The following ABTB3 variants were observed in gnomAD, a reference collection of about 807,000 sequenced individuals.
ABTB3 encodes ankyrin repeat and BTB domain containing 3, also known as ankyrin repeat- and BTB/POZ domain-containing protein 3.
At chr12:107,524,556 T>A in the ABTB3 span, among the ~76,000 whole-genome samples, 1 of 152,206 alleles carries the variant, frequency 6.6e-6, no homozygotes, top group Non-Finnish European at 1.5e-5. Flanking sequence ...CAGCAGCTGA[T>A]GTTTAATGAG....
the ABTB3 span, among the ~76,000 whole-genome samples, chr12:107,593,354 A>G: frequency 1.3e-5 from 2 of 152,200 alleles, no homozygotes; most frequent in East Asian, 3.9e-4. Flanking sequence ...ATCATGGAGC[A>G]TCTTGTGGGA....
chr12:107,546,690 C>T, the ABTB3 span, among the ~76,000 whole-genome samples: 2 of 151,970 alleles, frequency 1.3e-5, no homozygotes, highest in Non-Finnish European at 2.9e-5. Flanking sequence ...ATGGTGAAAC[C>T]CCATCTCTAC....
the ABTB3 span, among the ~76,000 whole-genome samples, chr12:107,619,578 C>G: frequency 6.6e-6 from 1 of 152,156 alleles, no homozygotes; most frequent in East Asian, 1.9e-4. Flanking sequence ...AGACTCTTCT[C>G]CCCCCTGAGC....
At chr12:107,521,989 C>T in the ABTB3 span, among the ~76,000 whole-genome samples, 1 of 151,902 alleles carries the variant, frequency 6.6e-6, no homozygotes, top group Non-Finnish European at 1.5e-5. Context: ...GACATTTATT[C>T]CTCATGGTTC....
At chr12:107,501,091 C>A in the ABTB3 span, among the ~76,000 whole-genome samples, 1 of 152,118 alleles carries the variant, frequency 6.6e-6, no homozygotes. Context: ...CAAATAACAG[C>A]AACAATAATA....
the ABTB3 span, among the ~76,000 whole-genome samples, chr12:107,423,067 C>G: frequency 2.6e-5 from 4 of 152,190 alleles, no homozygotes; most frequent in Non-Finnish European, 5.9e-5. Flanking sequence ...CACAGCTTGA[C>G]CAAGCCTTCT....
chr12:107,531,411 G>T, the ABTB3 span, among the ~76,000 whole-genome samples: 7 of 152,180 alleles, frequency 4.6e-5, no homozygotes, highest in Admixed American at 3.3e-4. Flanking sequence ...ATTGTTATTA[G>T]TAATAGTGGT....
the ABTB3 span, among the ~76,000 whole-genome samples, chr12:107,547,193 T>G: frequency 7.5e-6 from 1 of 133,356 alleles, no homozygotes; most frequent in Non-Finnish European, 1.5e-5. Flanking sequence ...GACCCTGTCT[T>G]GAAGAAGAAG....
chr12:107,369,392 GT>G, the ABTB3 span, among the ~76,000 whole-genome samples: 3,713 of 134,826 alleles, frequency 0.028, 42 homozygotes, highest in South Asian at 0.043. Context: ...TCAAACAAGG[GT>G]TTTTTTTTTT....
the ABTB3 span, among the ~76,000 whole-genome samples, chr12:107,466,603 G>A: frequency 1.3e-5 from 2 of 152,094 alleles, no homozygotes; most frequent in East Asian, 1.9e-4. Context: ...CACAGGGACT[G>A]CAAATGAGAC....
chr12:107,332,484 T>C, the ABTB3 span, among the ~76,000 whole-genome samples: 7 of 152,192 alleles, frequency 4.6e-5, no homozygotes, highest in Admixed American at 3.3e-4. Flanking sequence ...GAGTGGGGAC[T>C]CCATCCCTGG....
At chr12:107,525,976 A>AT in the ABTB3 span, among the ~76,000 whole-genome samples, 1 of 152,162 alleles carries the variant, frequency 6.6e-6, no homozygotes, top group East Asian at 1.9e-4. Context: ...AATTAAAATC[A>AT]TTTTTTTCTT....
At chr12:107,610,049 G>A in the ABTB3 span, 1 of 923,770 alleles carries the variant, frequency 1.1e-6, no homozygotes. Context: ...ACATCCGGAG[G>A]CCATCATTTT....
the ABTB3 span, among the ~76,000 whole-genome samples, chr12:107,336,141 C>A: frequency 6.6e-6 from 1 of 152,186 alleles, no homozygotes; most frequent in Non-Finnish European, 1.5e-5. Context: ...AATAGCCTGT[C>A]CAGCCAGACA....
chr12:107,619,604 G>A, the ABTB3 span, among the ~76,000 whole-genome samples: 4 of 152,156 alleles, frequency 2.6e-5, no homozygotes, highest in African/African-American at 7.2e-5. Flanking sequence ...TCCCCAGTAA[G>A]TAGAGGGGAT....
the ABTB3 span, among the ~76,000 whole-genome samples, chr12:107,404,301 A>T: frequency 2.0e-5 from 3 of 152,196 alleles, no homozygotes; most frequent in African/African-American, 7.2e-5. Flanking sequence ...TTCTATTCTA[A>T]TGATCCATGT....
At chr12:107,609,733 G>A in the ABTB3 span, among the ~76,000 whole-genome samples, 1 of 152,296 alleles carries the variant, frequency 6.6e-6, no homozygotes, top group East Asian at 1.9e-4. Flanking sequence ...AGATAAACAG[G>A]CCAGCTCTCC....
chr12:107,400,570 CT>C, the ABTB3 span, among the ~76,000 whole-genome samples: 1 of 152,098 alleles, frequency 6.6e-6, no homozygotes, highest in Middle Eastern at 3.2e-3. Flanking sequence ...GTCTCCTTAC[CT>C]GTACAATGGG....
chr12:107,408,277 A>G, the ABTB3 span, among the ~76,000 whole-genome samples: 1 of 152,182 alleles, frequency 6.6e-6, no homozygotes, highest in Admixed American at 6.5e-5. Flanking sequence ...AAAAGTTGAT[A>G]TTGTTGGTTA....
Sources: gnomAD v4.1 joint callset for allele counts (sites outside exome capture counted in the v4.1 genomes callset) on GRCh38, gnomAD v4.1.1 for gene constraint, MANE v1.5 for transcripts, NCBI Gene and HGNC (gene_info 2026-07-23, HGNC 2026-07-21) for gene names.